Variants in TXNDC11 observed in about 807,000 individuals in gnomAD.
The protein encoded by TXNDC11 is thioredoxin domain-containing protein 11.
Under a neutral mutation model 78.0 loss-of-function variants are expected in TXNDC11, and 68 were observed. That is an observed-to-expected ratio of 0.87 (90% CI 0.72 to 1.07). The LOEUF is 1.07. TXNDC11 is among the 50% of genes least tolerant of loss of function. The probability of loss-of-function intolerance (pLI) is 0.00; values close to 1 mark genes in which losing one functional copy is unlikely to be tolerated. For synonymous variants in TXNDC11, 571 were observed against 495.2 expected (o/e 1.15, Z -2.03); for missense variants, 1,389 against 1,221.8 (o/e 1.14, Z -2.04).
chr16:11,724,238 G>A (rs781058678), intron 4 of TXNDC11, among the ~76,000 whole-genome samples: 3 of 152,150 alleles, frequency 2.0e-5, no homozygotes, highest in Admixed American at 1.3e-4. Context: ...AGCAGAGATC[G>A]CACCACTGCA....
intron 7 of TXNDC11, among the ~76,000 whole-genome samples, chr16:11,693,944 C>T (rs1007544444): frequency 1.3e-5 from 2 of 152,118 alleles, no homozygotes; most frequent in African/African-American, 4.8e-5. Flanking sequence ...TAATCTTTTA[C>T]AGAAGTCCAA....
intron 4 of TXNDC11, 77 bp downstream of exon 4, chr16:11,730,568 C>T: frequency 6.9e-7 from 1 of 1,455,964 alleles, no homozygotes; most frequent in African/African-American, 1.4e-5. Flanking sequence ...TTTTTTTAAA[C>T]CCCTTTAAAA....
chr16:11,738,924 G>A (rs559843837), intron 1 of TXNDC11, among the ~76,000 whole-genome samples: 2 of 152,280 alleles, frequency 1.3e-5, no homozygotes, highest in East Asian at 1.9e-4. Flanking sequence ...CCACTTGGGA[G>A]GCTGAGGCAG....
chr16:11,723,495 G>C (rs754362216), intron 4 of TXNDC11, among the ~76,000 whole-genome samples: 7 of 152,056 alleles, frequency 4.6e-5, no homozygotes, highest in Admixed American at 6.6e-5. Context: ...TGAGGCACAA[G>C]AATTGCTTGA....
chr16:11,711,046 T>C (rs965869726), intron 5 of TXNDC11, among the ~76,000 whole-genome samples: 5 of 151,752 alleles, frequency 3.3e-5, no homozygotes, highest in African/African-American at 7.3e-5. Context: ...TCATGCTAGA[T>C]AGTCAAGAGT....
In TXNDC11 at chr16:11,742,689, G is replaced by C. The variant is rs746810805; in HGVS notation, c.42C>G (p.Ser14Arg). The C allele has an allele frequency of 8.9e-6, 13 of 1,459,062 alleles. No individual in the cohort carries two copies. The highest frequency in any genetic ancestry group is 1.2e-5 in the Non-Finnish European group (13 of 1,109,984). The allele number at this position is 1,459,062 out of a possible 1,614,324, so 90.4% of individuals were successfully genotyped here. The part of the protein sequence containing the change: ...CGGRGGGSSS[S>R]EDAEDEGGGG... ...CCCCTCCCTCGTCCTCGGCGTCCTC[G>C]CTGCTGCTGCTGCCGCCGCCGCGGC... Residue 14 changes from serine to arginine, a missense_variant, in exon 1 of 12, where the codon AGC becomes AGG. By Grantham distance (110) the Ser-to-Arg change is moderately radical. Transcript: ENST00000283033.
chr16:11,742,757 AC>A lies in TXNDC11; in HGVS notation c.-28del. Reference sequence around the variant, plus strand: ...ACATGCTCCCAGTCGCCGGCTTTATACCGCCGCCGCCGCCTCGGGCCCGAAG... The same window carrying A: ...ACATGCTCCCAGTCGCCGGCTTTATACGCCGCCGCCGCCTCGGGCCCGAAG... On this transcript the variant is annotated 5_prime_UTR_variant, in exon 1 of 12. Transcript: ENST00000283033. 7.0e-7 allele frequency: 1 copy of A among 1,434,240 alleles called. No individual in the cohort carries two copies. Among genetic ancestry groups the A allele is most frequent in the Non-Finnish European group, 9.1e-7 (1 of 1,102,724 alleles). 88.8% of individuals were successfully genotyped at this position (1,434,240 alleles called of 1,614,324 possible). A position where few individuals can be genotyped will look rare whatever the true frequency, so the allele number is the denominator to read the frequency against.
chr16:11,686,765 A>G (rs1208275505), intron 10 of TXNDC11, among the ~76,000 whole-genome samples: 1 of 152,246 alleles, frequency 6.6e-6, no homozygotes, highest in African/African-American at 2.4e-5. Context: ...TTTGTTCAGA[A>G]TGGAATCGGT....
chr16:11,742,015 A>G (rs1452617701), intron 1 of TXNDC11: 7 of 154,908 alleles, frequency 4.5e-5, no homozygotes, highest in African/African-American at 1.7e-4. Flanking sequence ...CTGGGACACA[A>G]TGCGTGACTC....
chr16:11,711,489 T>G (rs1230028031), intron 5 of TXNDC11, among the ~76,000 whole-genome samples: 1 of 152,190 alleles, frequency 6.6e-6, no homozygotes, highest in Non-Finnish European at 1.5e-5. Context: ...CCCACATCCC[T>G]TGGTTTGTGG....
chr16:11,729,627 T>C (rs1251487070), intron 4 of TXNDC11, among the ~76,000 whole-genome samples: 1 of 152,168 alleles, frequency 6.6e-6, no homozygotes, highest in African/African-American at 2.4e-5. Context: ...CTCTGTCAGG[T>C]ATTTATGGTC....
Position 11,736,079 on chromosome 16 carries a change from A to G in TXNDC11, c.409T>C (p.Cys137Arg). Residue 137 changes from cysteine to arginine, a missense_variant, in exon 2 of 12, where the codon TGT becomes CGT. Coordinates refer to ENST00000283033, the MANE Select transcript of TXNDC11 (RefSeq NM_015914.7). Reference protein sequence around the residue: ...VVLLFFYAPWCGQSIAARAEI... With the variant: ...VVLLFFYAPWRGQSIAARAEI... ...GCCCTGGCAGCGATGGACTGTCCACACCAAGGGGCATAGAAGAAGAGCAGT... is the reference window on the plus strand; with the variant it reads ...GCCCTGGCAGCGATGGACTGTCCACGCCAAGGGGCATAGAAGAAGAGCAGT... 1 of 1,614,164 alleles carries G rather than the reference A, an allele frequency of 6.2e-7. No homozygotes were observed. The highest frequency in any genetic ancestry group is 2.2e-5 in the East Asian group (1 of 44,884).
At chr16:11,742,438 G>C (rs1162018923) in intron 1 of TXNDC11, 39 bp downstream of exon 1, 3 of 1,360,820 alleles carry the variant, frequency 2.2e-6, no homozygotes, top group African/African-American at 1.5e-5. Flanking sequence ...AGAGCAAGGG[G>C]AGCGCCCTAG....
intron 11 of TXNDC11, among the ~76,000 whole-genome samples, 178 bp downstream of exon 11, chr16:11,683,987 G>A (rs1344080327): frequency 1.3e-5 from 2 of 152,110 alleles, no homozygotes; most frequent in Non-Finnish European, 2.9e-5. Flanking sequence ...TTGAGCTCAA[G>A]CAATCTGCCT....
At chr16:11,729,183 G>A (rs182869688) in intron 4 of TXNDC11, among the ~76,000 whole-genome samples, 7 of 152,254 alleles carry the variant, frequency 4.6e-5, no homozygotes, top group African/African-American at 1.7e-4. Context: ...AGGATACCCT[G>A]GCCCAGGCCC....
intron 5 of TXNDC11, among the ~76,000 whole-genome samples, chr16:11,714,732 T>C (rs963106201): frequency 1.3e-5 from 2 of 152,080 alleles, no homozygotes; most frequent in Non-Finnish European, 2.9e-5. Context: ...ACCGACTCAG[T>C]TCTACAAGCA....
In TXNDC11 at chr16:11,691,742, T is replaced by C; in HGVS notation, c.1448A>G (p.Tyr483Cys). 1 of 1,614,220 alleles carries C rather than the reference T, an allele frequency of 6.2e-7. No individual in the cohort carries two copies. Among genetic ancestry groups the C allele is most frequent in the African/African-American group, 1.3e-5 (1 of 75,068 alleles). ...DSFYLKEQTF[Y>C]HVASDSIECS... ...TTCTATGCTGTCTGATGCCACATGA[T>C]AAAAGGTCTGCTCCTTGAGGTAGAA... The change falls in exon 8 of 12, where the codon TAT becomes TGT. Residue 483 changes from tyrosine (Y) to cysteine (C), a missense_variant. Physicochemically the swap from Tyr to Cys is radical, Grantham distance 194. Transcript: ENST00000283033.
intron 5 of TXNDC11, among the ~76,000 whole-genome samples, chr16:11,700,874 G>A (rs1266019166): frequency 1.3e-5 from 2 of 152,140 alleles, no homozygotes; most frequent in African/African-American, 4.8e-5. Flanking sequence ...TGAGGCACAT[G>A]CTGTTCTCTT....
intron 5 of TXNDC11, among the ~76,000 whole-genome samples, chr16:11,717,434 G>GAAAAAAAAA (rs58884197): frequency 4.0e-4 from 25 of 62,270 alleles, no homozygotes; most frequent in East Asian, 5.6e-4. Context: ...GACTCCAAAT[G>GAAAAAAAAA]AAAAAAAAAA....
Sources: allele counts gnomAD v4.1 joint callset (sites outside exome capture counted in the v4.1 genomes callset), GRCh38; gene constraint gnomAD v4.1.1; transcripts MANE v1.5; gene names NCBI Gene and HGNC (gene_info 2026-07-23, HGNC 2026-07-21).